RXRA: variants seen among roughly 807,000 people sequenced by gnomAD.
RXRA encodes retinoid X receptor alpha.
RXRA carries 5 observed loss-of-function variants against 44.5 expected under a neutral mutation model. The observed-to-expected ratio is 0.11, with a 90% CI of 0.06 to 0.24. The LOEUF (loss-of-function observed/expected upper bound fraction) is 0.24, where lower values mean the gene tolerates loss of function less well. Ranked by LOEUF, RXRA falls within the 10% of genes least tolerant of loss-of-function variation. The probability of loss-of-function intolerance (pLI) is 1.00; values close to 1 mark genes in which losing one functional copy is unlikely to be tolerated. For missense variants in RXRA, 412 were observed against 646.5 expected, an observed-to-expected ratio of 0.64 and a Z score of 3.93; for synonymous variants, 291 against 271.4, an observed-to-expected ratio of 1.07 and a Z score of -0.71.
intron 1 of RXRA, among the ~76,000 whole-genome samples, chr9:134,378,327 C>T (rs187118393): frequency 2.2e-5 from 3 of 137,004 alleles, no homozygotes; most frequent in African/African-American, 5.3e-5. Context: ...GCCTTGCTGC[C>T]GCCACCTGAA....
chr9:134,339,167 C>A (rs1830051422), intron 1 of RXRA, among the ~76,000 whole-genome samples: 1 of 152,226 alleles, frequency 6.6e-6, no homozygotes, highest in Admixed American at 6.5e-5. Context: ...TCCGTAGGGA[C>A]CCTCTCATGC....
At chr9:134,329,328 C>T (rs896985588) in intron 1 of RXRA, among the ~76,000 whole-genome samples, 1 of 152,258 alleles carries the variant, frequency 6.6e-6, no homozygotes, top group East Asian at 1.9e-4. Context: ...GAGTCCCGCT[C>T]GGGCCTGACG....
chr9:134,334,509 G>A (rs1011736970), intron 1 of RXRA, among the ~76,000 whole-genome samples: 10 of 152,274 alleles, frequency 6.6e-5, no homozygotes, highest in Non-Finnish European at 1.3e-4. Flanking sequence ...ATTGACTGCC[G>A]CAGTGATAGC....
At chr9:134,427,218 C>G in intron 6 of RXRA, 1 of 969,898 alleles carries the variant, frequency 1.0e-6, no homozygotes, top group Non-Finnish European at 1.2e-6. Context: ...TCTGGCTGGG[C>G]AGTGTGGAAG....
At position 134,327,870 on chromosome 9, in the gene RXRA, CG is replaced by C. The variant is rs202241902; in HGVS notation, c.28+1212del. Among the ~76,000 whole-genome samples the C allele has an allele frequency of 6.5e-3, 996 of 152,272 alleles. 6 individuals are homozygous for C. The highest frequency in any genetic ancestry group is 0.01 in the South Asian group (50 of 4,828). On this transcript the variant is annotated intron_variant, in intron 1 of 9. Coordinates refer to ENST00000481739, the MANE Select transcript of RXRA (RefSeq NM_002957.6). ...TGGGTTCCAGGTTTGTCAGACCTAA[CG>C]CTTACTCCCTGCCTCTGTCATGATG...
intron 1 of RXRA, among the ~76,000 whole-genome samples, chr9:134,350,889 G>A (rs1830213563): frequency 1.3e-5 from 2 of 152,230 alleles, no homozygotes; most frequent in Non-Finnish European, 2.9e-5. Flanking sequence ...GTCCTCATCT[G>A]TACCCAGGGC....
intron 4 of RXRA, among the ~76,000 whole-genome samples, chr9:134,410,937 A>AG (rs1831138769): frequency 6.6e-6 from 1 of 152,162 alleles, no homozygotes; most frequent in South Asian, 2.1e-4. Context: ...GGGGGGGCCC[A>AG]GGGGGCAGCC....
At chr9:134,353,563 G>A (rs1830247232) in intron 1 of RXRA, among the ~76,000 whole-genome samples, 1 of 152,198 alleles carries the variant, frequency 6.6e-6, no homozygotes, top group African/African-American at 2.4e-5. Context: ...CAGCTTCCAC[G>A]GCCCCACGAG....
At chr9:134,424,108 G>A (rs1470098561) in intron 6 of RXRA, 7 of 980,806 alleles carry the variant, frequency 7.1e-6, no homozygotes, top group Non-Finnish European at 8.5e-6. Flanking sequence ...CGGTGCTGAG[G>A]GCCTGCGTGG....
intron 6 of RXRA, chr9:134,422,869 G>C: frequency 1.0e-6 from 1 of 985,466 alleles, no homozygotes; most frequent in Non-Finnish European, 1.2e-6. Context: ...GTGTTCCAGG[G>C]GCTGCCCAGG....
chr9:134,406,735 G>A (rs993769367), intron 2 of RXRA, among the ~76,000 whole-genome samples: 1 of 152,240 alleles, frequency 6.6e-6, no homozygotes, highest in Non-Finnish European at 1.5e-5. Context: ...GGGGGATCAT[G>A]TGTGACCTTG....
At chr9:134,328,452 C>G (rs1320449056) in intron 1 of RXRA, among the ~76,000 whole-genome samples, 1 of 152,086 alleles carries the variant, frequency 6.6e-6, no homozygotes, top group Non-Finnish European at 1.5e-5. Context: ...CCCCAGGGAT[C>G]TCCCTGGGCA....
At chr9:134,355,368 C>T (rs140375431) in intron 1 of RXRA, among the ~76,000 whole-genome samples, 242 of 152,342 alleles carry the variant, frequency 1.6e-3, no homozygotes, top group African/African-American at 3.0e-3. Flanking sequence ...ACAGATCCCC[C>T]GACTCCTTCC....
At chr9:134,401,512 A>G in intron 1 of RXRA, 120 bp from the exon 2 acceptor site, 1 of 1,520,862 alleles carries the variant, frequency 6.6e-7, no homozygotes, top group East Asian at 2.3e-5. Flanking sequence ...CCACGGGGCC[A>G]CCTTGAGGGT....
At chr9:134,329,686 C>A (rs1396375784) in intron 1 of RXRA, among the ~76,000 whole-genome samples, 1 of 152,156 alleles carries the variant, frequency 6.6e-6, no homozygotes, top group Non-Finnish European at 1.5e-5. Flanking sequence ...TCTGCCAGCA[C>A]CTGGTGGTTC....
At chr9:134,420,742 G>C (rs1183185178) in intron 5 of RXRA, among the ~76,000 whole-genome samples, 1 of 152,200 alleles carries the variant, frequency 6.6e-6, no homozygotes, top group East Asian at 1.9e-4. Context: ...GCCGTCATCT[G>C]AGTTCCCATT....
intron 1 of RXRA, among the ~76,000 whole-genome samples, chr9:134,345,036 C>T (rs1346534576): frequency 6.6e-6 from 1 of 152,186 alleles, no homozygotes; most frequent in East Asian, 1.9e-4. Flanking sequence ...GCCAGAATCA[C>T]GAGGCCCAGT....
intron 6 of RXRA, chr9:134,425,474 G>T (rs1371923124): frequency 1.5e-5 from 15 of 983,272 alleles, no homozygotes; most frequent in African/African-American, 3.5e-5. Context: ...GCTTTCCAAG[G>T]CCGTGTTAGC....
intron 4 of RXRA, among the ~76,000 whole-genome samples, chr9:134,414,011 G>T (rs770505714): frequency 1.3e-5 from 2 of 152,188 alleles, no homozygotes; most frequent in Non-Finnish European, 2.9e-5. Flanking sequence ...GACACCTCCC[G>T]CCCGGCCTCC....
Sources: gnomAD v4.1 joint callset for allele counts (sites outside exome capture counted in the v4.1 genomes callset) on GRCh38, gnomAD v4.1.1 for gene constraint, MANE v1.5 for transcripts, NCBI Gene and HGNC (gene_info 2026-07-23, HGNC 2026-07-21) for gene names.